Variants in OR4S2 observed in about 807,000 individuals in gnomAD.
The protein encoded by OR4S2 is olfactory receptor family 4 subfamily S member 2.
In OR4S2, 16 loss-of-function variants were observed where a neutral mutation model predicts 15.1. The ratio of observed to expected loss-of-function variants is 1.06; its 90% confidence interval spans 0.72 to 1.61. OR4S2 has a LOEUF of 1.61. Ranked by LOEUF, OR4S2 falls within the 40% of genes most tolerant of loss-of-function variation. The probability of loss-of-function intolerance (pLI) is 0.00; values close to 1 mark genes in which losing one functional copy is unlikely to be tolerated. For synonymous variants in OR4S2, 133 were observed against 136.3 expected, an observed-to-expected ratio of 0.98 and a Z score of 0.17; for missense variants, 362 against 379.6, an observed-to-expected ratio of 0.95 and a Z score of 0.38.
chr11:55,652,081 C>A lies in OR4S2; in HGVS notation c.*242C>A, dbSNP rs751896547. ...TATTAAACTTAGAATCACAAAAGTG[C>A]AGAAGAGCAATTCCTCTTGGCTTTC... On this transcript the variant is annotated 3_prime_UTR_variant, in exon 2 of 2. Coordinates refer to ENST00000641692, the MANE Select transcript of OR4S2 (RefSeq NM_001004059.3). The A allele has an allele frequency of 8.1e-6, 2 of 246,468 alleles. No homozygotes were observed. Among genetic ancestry groups the A allele is most frequent in the African/African-American group, 2.2e-5 (1 of 44,572 alleles). 15.3% of individuals were successfully genotyped at this position (246,468 alleles called of 1,614,324 possible). A position where few individuals can be genotyped will look rare whatever the true frequency, so the allele number is the denominator to read the frequency against.
In OR4S2 at chr11:55,651,158, A is replaced by C; in HGVS notation, c.255A>C (p.Ala85=). 6.7e-7 allele frequency: 1 copy of C among 1,483,454 alleles called. No homozygotes were observed. The highest frequency in any genetic ancestry group is 9.2e-7 in the Non-Finnish European group (1 of 1,088,764). The allele number at this position is 1,483,454 out of a possible 1,614,324, so 91.9% of individuals were successfully genotyped here. The change falls in exon 2 of 2, where the codon GCA becomes GCC. Residue 85 remains alanine, a synonymous_variant. Transcript: ENST00000641692. ...CCAAGATGATTGTTGACCTGTTAGC[A>C]AAGGACAAAACCATCTCCTATGTGG... The part of the protein sequence containing the change: ...TAPKMIVDLL[A]KDKTISYVGC...
At chr11:55,650,652 G>C (rs1213708853) in intron 1 of OR4S2, among the ~76,000 whole-genome samples, 2 of 137,948 alleles carry the variant, frequency 1.4e-5, no homozygotes, top group Non-Finnish European at 3.2e-5. Flanking sequence ...TGAGATTGAG[G>C]GGATTTACTT....
Position 55,651,597 on chromosome 11 carries a change from C to A in OR4S2, c.694C>A (p.Arg232Ser). 2.0e-6 allele frequency: 3 copies of A among 1,488,746 alleles called. 1 individual carries two copies. The highest frequency in any genetic ancestry group is 1.4e-5 in the African/African-American group (1 of 72,724). 92.2% of individuals were successfully genotyped at this position (1,488,746 alleles called of 1,614,324 possible). Reference sequence around the variant, plus strand: ...GAGAAAGCAGTCAGCAGAAGGCAGGCGCAAAGCCCTCTCCACCTGTGGCTC... The same window carrying A: ...GAGAAAGCAGTCAGCAGAAGGCAGGAGCAAAGCCCTCTCCACCTGTGGCTC... ...SLRKQSAEGR[R>S]KALSTCGSHI... The change falls in exon 2 of 2, where the codon CGC becomes AGC. Residue 232 changes from arginine (R) to serine (S), a missense_variant. Coordinates refer to ENST00000641692, the MANE Select transcript of OR4S2 (RefSeq NM_001004059.3).
At position 55,651,375 on chromosome 11, in the gene OR4S2, G is replaced by C. The variant is rs768667618; in HGVS notation, c.472G>C (p.Val158Leu). 7 of 1,480,280 alleles carry C rather than the reference G, an allele frequency of 4.7e-6. No individual in the cohort carries two copies. The African/African-American group carries it at 9.6e-5, about 20-fold the overall frequency. The allele number at this position is 1,480,280 out of a possible 1,614,324, so 91.7% of individuals were successfully genotyped here. Reference protein sequence around the residue: ...VGGFLHSIIQVALVVQLPFCG... With the variant: ...VGGFLHSIIQLALVVQLPFCG... ...TGGGTTCTTACACTCCATTATCCAA[G>C]TGGCTCTGGTAGTCCAACTACCCTT... The change falls in exon 2 of 2, where the codon GTG becomes CTG. Residue 158 changes from valine to leucine, a missense_variant. Physicochemically the swap from Val to Leu is conservative, Grantham distance 32. Coordinates refer to ENST00000641692, the MANE Select transcript of OR4S2 (RefSeq NM_001004059.3).
chr11:55,650,876 A>G lies in OR4S2; in HGVS notation c.-28A>G. ...TGTTTTCTTTTTTTCAGGTAATTTA[A>G]TTGTCTCCTAAGAACTTGACCCATT... On this transcript the variant is annotated 5_prime_UTR_variant, in exon 2 of 2. Transcript: ENST00000641692. 1 of 1,007,546 alleles carries G rather than the reference A, an allele frequency of 9.9e-7. No homozygotes were observed. Among genetic ancestry groups the G allele is most frequent in the Non-Finnish European group, 1.5e-6 (1 of 686,244 alleles). The allele number at this position is 1,007,546 out of a possible 1,614,324, so 62.4% of individuals were successfully genotyped here.
chr11:55,651,541 T>A lies in OR4S2; in HGVS notation c.638T>A (p.Leu213Gln), dbSNP rs78077484. Residue 213 changes from leucine (L) to glutamine (Q), a missense_variant, in exon 2 of 2, where the codon CTA (leucine) becomes CAA (glutamine). Leu to Gln is a moderately radical substitution (Grantham distance 113). Transcript: ENST00000641692. Reference sequence around the variant, plus strand: ...GCTCTGGGGAGTTTTGTTATCTTGCTAATCTCCTACAGCATCATCCTAGTT... The same window carrying A: ...GCTCTGGGGAGTTTTGTTATCTTGCAAATCTCCTACAGCATCATCCTAGTT... ...TIALGSFVIL[L>Q]ISYSIILVSL... The A allele has an allele frequency of 9.6e-4, 1,430 of 1,492,496 alleles. 131 individuals are homozygous for A. In the African/African-American group the frequency reaches 0.018, roughly 19 times the overall value. The allele number at this position is 1,492,496 out of a possible 1,614,324, so 92.5% of individuals were successfully genotyped here. A position where few individuals can be genotyped will look rare whatever the true frequency, so the allele number is the denominator to read the frequency against.
Position 55,649,463 on chromosome 11 carries a change from G to C in OR4S2, c.-37+913G>C, listed in dbSNP as rs1858537441. On this transcript the variant is annotated intron_variant, in intron 1 of 1. Transcript: ENST00000641692. The stretch of plus-strand genomic sequence containing the variant: ...GCACAGAGTTTAGTAGGAGTTGTCA[G>C]CATTCAGCTGGATGGATCTTGAGAG... Among the ~76,000 whole-genome samples the C allele has an allele frequency of 1.4e-5, 2 of 138,312 alleles. 1 individual carries two copies. The highest frequency in any genetic ancestry group is 4.7e-4 in the South Asian group (2 of 4,250). The allele number at this position is 138,312 out of a possible 152,430, so 90.7% of individuals were successfully genotyped here.
chr11:55,651,981 T>C lies in OR4S2; in HGVS notation c.*142T>C. ...ACACATTCAAAAGAGTAAGGTATTATTTTTCATTATTATAGCATTTTTATA... is the reference window on the plus strand; with the variant it reads ...ACACATTCAAAAGAGTAAGGTATTACTTTTCATTATTATAGCATTTTTATA... On this transcript the variant is annotated 3_prime_UTR_variant, in exon 2 of 2. Transcript: ENST00000641692. The C allele has an allele frequency of 9.3e-6, 4 of 428,732 alleles. No individual in the cohort carries two copies. Among genetic ancestry groups the C allele is most frequent in the Non-Finnish European group, 1.2e-5 (3 of 242,586 alleles). The allele number at this position is 428,732 out of a possible 1,614,324, so 26.6% of individuals were successfully genotyped here. A position where few individuals can be genotyped will look rare whatever the true frequency, so the allele number is the denominator to read the frequency against.
rs373398226 is a variant in OR4S2, at chr11:55,650,886, A to G, written c.-18A>G. The G allele has an allele frequency of 5.3e-6, 6 of 1,135,464 alleles. 1 individual carries two copies. The highest frequency in any genetic ancestry group is 7.6e-6 in the Non-Finnish European group (6 of 791,112). 70.3% of individuals were successfully genotyped at this position (1,135,464 alleles called of 1,614,324 possible). Reference sequence around the variant, plus strand: ...TTTTCAGGTAATTTAATTGTCTCCTAAGAACTTGACCCATTCCATGGAAAA... The same window carrying G: ...TTTTCAGGTAATTTAATTGTCTCCTGAGAACTTGACCCATTCCATGGAAAA... On this transcript the variant is annotated 5_prime_UTR_variant, in exon 2 of 2. Transcript: ENST00000641692.
Position 55,651,029 on chromosome 11 carries a change from C to A in OR4S2, c.126C>A (p.Leu42=). ...TAATCATTCTTCTGGGAAATCTCCT[C>A]ATCATGCTGACAGTTTGCCTGAGCA... ...FYIIILLGNL[L]IMLTVCLSNL... The change falls in exon 2 of 2, where the codon CTC becomes CTA. Residue 42 remains leucine, a synonymous_variant. Coordinates refer to ENST00000641692, the MANE Select transcript of OR4S2 (RefSeq NM_001004059.3). The A allele has an allele frequency of 1.4e-6, 2 of 1,466,692 alleles. 1 individual carries two copies. Among genetic ancestry groups the A allele is most frequent in the Non-Finnish European group, 1.9e-6 (2 of 1,073,600 alleles). 90.9% of individuals were successfully genotyped at this position (1,466,692 alleles called of 1,614,324 possible). A position where few individuals can be genotyped will look rare whatever the true frequency, so the allele number is the denominator to read the frequency against.
chr11:55,651,499 C>T lies in OR4S2; in HGVS notation c.596C>T (p.Ala199Val). 6.7e-7 allele frequency: 1 copy of T among 1,484,126 alleles called. No homozygotes were observed. The highest frequency in any genetic ancestry group is 9.2e-7 in the Non-Finnish European group (1 of 1,089,560). The allele number at this position is 1,484,126 out of a possible 1,614,324, so 91.9% of individuals were successfully genotyped here. Residue 199 changes from alanine to valine, a missense_variant, in exon 2 of 2, where the codon GCC becomes GTC. Transcript: ENST00000641692. ...ETYIVGVVVT[A>V]NSGTIALGSF... ...TACATTGTTGGTGTTGTTGTGACAG[C>T]CAACAGTGGTACCATTGCTCTGGGG...
chr11:55,651,640 T>C lies in OR4S2; in HGVS notation c.737T>C (p.Val246Ala), dbSNP rs1858570574. Residue 246 changes from valine to alanine, a missense_variant, in exon 2 of 2, where the codon GTT becomes GCT. Coordinates refer to ENST00000641692, the MANE Select transcript of OR4S2 (RefSeq NM_001004059.3). ...TGTGGCTCCCACATTGCCATGGTCG[T>C]TATCTTTTTCGGCCCCTGTACTTTT... is the stretch of plus-strand genomic sequence containing the variant. Reference protein sequence around the residue: ...STCGSHIAMVVIFFGPCTFMY... With the variant: ...STCGSHIAMVAIFFGPCTFMY... 1 of 1,492,396 alleles carries C rather than the reference T, an allele frequency of 6.7e-7. No homozygotes were observed. The allele number at this position is 1,492,396 out of a possible 1,614,324, so 92.4% of individuals were successfully genotyped here. A position where few individuals can be genotyped will look rare whatever the true frequency, so the allele number is the denominator to read the frequency against.
rs763766779 is a variant in OR4S2, at chr11:55,651,509, T to C, written c.606T>C (p.Gly202=). The C allele has an allele frequency of 1.6e-5, 24 of 1,486,630 alleles. 5 individuals are homozygous for C. In the South Asian group the frequency reaches 2.5e-4, roughly 15 times the overall value. The allele number at this position is 1,486,630 out of a possible 1,614,324, so 92.1% of individuals were successfully genotyped here. The change falls in exon 2 of 2, where the codon GGT becomes GGC. Residue 202 remains glycine (G), a synonymous_variant. Coordinates refer to ENST00000641692, the MANE Select transcript of OR4S2 (RefSeq NM_001004059.3). ...IVGVVVTANS[G]TIALGSFVIL... The stretch of plus-strand genomic sequence containing the variant: ...GTGTTGTTGTGACAGCCAACAGTGG[T>C]ACCATTGCTCTGGGGAGTTTTGTTA...
rs1858522957 is a variant in OR4S2, at chr11:55,648,330, A to C, written c.-257A>C. 7.3e-6 allele frequency: 1 copy of C among 137,878 alleles called. No individual in the cohort carries two copies. Among genetic ancestry groups the C allele is most frequent in the Non-Finnish European group, 1.6e-5 (1 of 62,014 alleles). The allele number at this position is 137,878 out of a possible 1,614,324, so 8.5% of individuals were successfully genotyped here. On this transcript the variant is annotated 5_prime_UTR_variant, in exon 1 of 2. Transcript: ENST00000641692. Reference sequence around the variant, plus strand: ...TAGAGAAAACAGCATTTATTGTCAAAGACCCTGTGAAATGGCAGGTATCAT... The same window carrying C: ...TAGAGAAAACAGCATTTATTGTCAACGACCCTGTGAAATGGCAGGTATCAT...
rs201423504 is a variant in OR4S2 at position 55,651,318 on chromosome 11, T to C, written c.415T>C (p.Cys139Arg). Residue 139 changes from cysteine (C) to arginine (R), a missense_variant, in exon 2 of 2, where the codon TGC becomes CGC. Coordinates refer to ENST00000641692, the MANE Select transcript of OR4S2 (RefSeq NM_001004059.3). ...TATGACCATCATGAACCGGGAGACA[T>C]GCAATAAAATGTTATTAGGGACGTG... Reference protein sequence around the residue: ...HYMTIMNRETCNKMLLGTWVG... With the variant: ...HYMTIMNRETRNKMLLGTWVG... 2.8e-5 allele frequency: 42 copies of C among 1,488,636 alleles called. 3 individuals carry two copies. The Admixed American group carries it at 5.0e-4, about 18-fold the overall frequency. The allele number at this position is 1,488,636 out of a possible 1,614,324, so 92.2% of individuals were successfully genotyped here. A position where few individuals can be genotyped will look rare whatever the true frequency, so the allele number is the denominator to read the frequency against.
chr11:55,650,270 G>A (rs1858546767), intron 1 of OR4S2, among the ~76,000 whole-genome samples: 2 of 138,322 alleles, frequency 1.4e-5, no homozygotes. Flanking sequence ...GACTATCAGG[G>A]CTCGAGACCA....
In OR4S2 at chr11:55,651,785, T is replaced by C. The variant is rs2120202890; in HGVS notation, c.882T>C (p.Asn294=). 1 of 1,462,694 alleles carries C rather than the reference T, an allele frequency of 6.8e-7. No homozygotes were observed. The highest frequency in any genetic ancestry group is 2.6e-5 in the East Asian group (1 of 38,584). 90.6% of individuals were successfully genotyped at this position (1,462,694 alleles called of 1,614,324 possible). Residue 294 remains asparagine (N), a synonymous_variant, in exon 2 of 2, where the codon AAT becomes AAC. Transcript: ENST00000641692. ...CACTGAGAAATGCAGAAGTAAAGAA[T>C]GCAATGAAGAAACTGTGGGGCAGAA... The part of the protein sequence containing the change: ...IYTLRNAEVK[N]AMKKLWGRNV...
Position 55,650,954 on chromosome 11 carries a change from G to A in OR4S2, c.51G>A (p.Gln17=). The change falls in exon 2 of 2, where the codon CAG becomes CAA. Residue 17 remains glutamine, a synonymous_variant. Coordinates refer to ENST00000641692, the MANE Select transcript of OR4S2 (RefSeq NM_001004059.3). ...AATTCATTTTCTGGGGTCTTTCTCA[G>A]AGCCCAGAGATTGAGAAAGTTTGTT... The part of the protein sequence containing the change: ...VTEFIFWGLS[Q]SPEIEKVCFV... 1 of 1,468,804 alleles carries A rather than the reference G, an allele frequency of 6.8e-7. No individual in the cohort carries two copies. Among genetic ancestry groups the A allele is most frequent in the Non-Finnish European group, 9.3e-7 (1 of 1,076,592 alleles). 91.0% of individuals were successfully genotyped at this position (1,468,804 alleles called of 1,614,324 possible).
Position 55,651,883 on chromosome 11 carries a change from C to T in OR4S2, c.*44C>T. ...GCTAGATGACCTTAAAATTTCTCAG[C>T]CTTGGTTAACTCATCTGTGCAATCA... On this transcript the variant is annotated 3_prime_UTR_variant, in exon 2 of 2. Transcript: ENST00000641692. 1 of 965,504 alleles carries T rather than the reference C, an allele frequency of 1.0e-6. No homozygotes were observed. The highest frequency in any genetic ancestry group is 1.5e-6 in the Non-Finnish European group (1 of 650,302). The allele number at this position is 965,504 out of a possible 1,614,324, so 59.8% of individuals were successfully genotyped here.
Sources: gnomAD v4.1 joint callset for allele counts (sites outside exome capture counted in the v4.1 genomes callset) on GRCh38, gnomAD v4.1.1 for gene constraint, MANE v1.5 for transcripts, NCBI Gene and HGNC (gene_info 2026-07-23, HGNC 2026-07-21) for gene names.